Variants in GBE1 observed in about 807,000 individuals in gnomAD.
GBE1 encodes the protein 1,4-alpha-glucan branching enzyme 1.
A neutral mutation model predicts 88.8 loss-of-function variants in GBE1; 70 were observed. The observed-to-expected ratio is 0.79, with a 90% CI of 0.65 to 0.96. The LOEUF is 0.96. Ranked by LOEUF, GBE1 falls within the 40% of genes least tolerant of loss-of-function variation. The probability of loss-of-function intolerance (pLI) is 0.00; values close to 1 mark genes in which losing one functional copy is unlikely to be tolerated. For missense variants in GBE1, 872 were observed against 871.0 expected (o/e 1.00, Z -0.01); for synonymous variants, 284 against 300.1 (o/e 0.95, Z 0.56).
intron 2 of GBE1, among the ~76,000 whole-genome samples, chr3:81,691,420 G>A (rs1402439821): frequency 6.6e-6 from 1 of 152,104 alleles, no homozygotes; most frequent in Admixed American, 6.6e-5. Flanking sequence ...CAATTACTCT[G>A]AGATACTTTG....
chr3:81,679,255 C>T (rs1705304931), intron 2 of GBE1, among the ~76,000 whole-genome samples: 1 of 152,138 alleles, frequency 6.6e-6, no homozygotes, highest in Admixed American at 6.5e-5. Flanking sequence ...TTATAAAGCA[C>T]AGGGCATAAG....
intron 14 of GBE1, among the ~76,000 whole-genome samples, chr3:81,532,483 T>C (rs2106865475): frequency 6.6e-6 from 1 of 152,200 alleles, no homozygotes; most frequent in East Asian, 1.9e-4. Flanking sequence ...GTATACTTTT[T>C]CTATTCTATT....
Position 81,670,917 on chromosome 3 carries a change from A to G in GBE1, c.350T>C (p.Leu117Pro), listed in dbSNP as rs186942296. 1.1e-4 allele frequency: 173 copies of G among 1,573,896 alleles called. No individual in the cohort carries two copies. The African/African-American group carries it at 2.2e-3, about 20-fold the overall frequency. Residue 117 changes from leucine to proline, a missense_variant, in exon 3 of 16, where the codon CTG (leucine) becomes CCG (proline). Leu to Pro is a moderately conservative substitution (Grantham distance 98, BLOSUM62 -3). Transcript: ENST00000429644. The part of the protein sequence containing the change: ...WNPFSYPYKK[L>P]DYGKWELYIP... ...ATACAGCTCCCATTTTCCATAATCC[A>G]GTTTTTTGTATGGGTACGAAAATGG...
intron 1 of GBE1, among the ~76,000 whole-genome samples, chr3:81,747,877 T>C (rs1706439410): frequency 6.6e-6 from 1 of 152,128 alleles, no homozygotes; most frequent in South Asian, 2.1e-4. Flanking sequence ...CTTATCTCCC[T>C]TCGCTGACTC....
intron 12 of GBE1, among the ~76,000 whole-genome samples, chr3:81,545,764 A>C (rs948312285): frequency 2.6e-5 from 4 of 152,136 alleles, no homozygotes; most frequent in African/African-American, 9.7e-5. Flanking sequence ...GATATAATTC[A>C]TAAGTTTTAA....
intron 12 of GBE1, among the ~76,000 whole-genome samples, chr3:81,540,997 G>A (rs1232349932): frequency 6.6e-6 from 1 of 151,948 alleles, no homozygotes; most frequent in Non-Finnish European, 1.5e-5. Context: ...GGCACCTGAT[G>A]ACCTCCCCAA....
chr3:81,639,043 G>T (rs981212177), intron 7 of GBE1, among the ~76,000 whole-genome samples: 13 of 152,134 alleles, frequency 8.5e-5, no homozygotes, highest in Non-Finnish European at 1.5e-4. Flanking sequence ...CCTAACAAAT[G>T]TAAGGGGTGG....
intron 2 of GBE1, among the ~76,000 whole-genome samples, chr3:81,693,705 C>T (rs1462998201): frequency 6.6e-6 from 1 of 152,046 alleles, no homozygotes; most frequent in Non-Finnish European, 1.5e-5. Context: ...ATATAGTCTT[C>T]TAATATCAAG....
intron 10 of GBE1, among the ~76,000 whole-genome samples, chr3:81,582,540 G>A (rs1413569249): frequency 6.6e-6 from 1 of 152,074 alleles, no homozygotes; most frequent in Non-Finnish European, 1.5e-5. Flanking sequence ...TAAGCTTGTG[G>A]TAAATTGGAT....
At chr3:81,525,963 T>C (rs1352320075) in intron 14 of GBE1, among the ~76,000 whole-genome samples, 1 of 152,108 alleles carries the variant, frequency 6.6e-6, no homozygotes, top group East Asian at 1.9e-4. Flanking sequence ...TCAATTTTGT[T>C]GATCTTTTCA....
chr3:81,585,425 T>C (rs975553632), intron 10 of GBE1, among the ~76,000 whole-genome samples: 8 of 152,164 alleles, frequency 5.3e-5, no homozygotes, highest in African/African-American at 1.9e-4. Context: ...ATTCAGCCCA[T>C]GAATGTCGAC....
At chr3:81,728,407 A>T (rs1208710790) in intron 1 of GBE1, among the ~76,000 whole-genome samples, 4 of 152,158 alleles carry the variant, frequency 2.6e-5, no homozygotes, top group African/African-American at 9.7e-5. Flanking sequence ...AGTTACTCTG[A>T]CCACAGATCT....
chr3:81,685,337 T>C (rs371108458), intron 2 of GBE1, among the ~76,000 whole-genome samples: 24 of 152,078 alleles, frequency 1.6e-4, no homozygotes, highest in South Asian at 4.2e-4. Flanking sequence ...GTTGTTGTTG[T>C]TTTGTTTTTG....
At chr3:81,497,988 T>C (rs927617951) in intron 15 of GBE1, among the ~76,000 whole-genome samples, 1 of 152,140 alleles carries the variant, frequency 6.6e-6, no homozygotes, top group Non-Finnish European at 1.5e-5. Context: ...AAAATATATA[T>C]CTTTCTCCAA....
chr3:81,633,177 C>G (rs191381582), intron 7 of GBE1, among the ~76,000 whole-genome samples: 2 of 152,000 alleles, frequency 1.3e-5, no homozygotes, highest in African/African-American at 2.4e-5. Flanking sequence ...TTTCAGAGAA[C>G]GAGGGTGGCT....
At chr3:81,548,531 A>G (rs1703236426) in intron 12 of GBE1, among the ~76,000 whole-genome samples, 1 of 151,284 alleles carries the variant, frequency 6.6e-6, no homozygotes, top group African/African-American at 2.4e-5. Flanking sequence ...TGTTATTATA[A>G]TTGTTACATA....
At chr3:81,663,054 G>A (rs1041772985) in intron 3 of GBE1, among the ~76,000 whole-genome samples, 2 of 152,086 alleles carry the variant, frequency 1.3e-5, no homozygotes, top group African/African-American at 4.8e-5. Flanking sequence ...GATAATTATC[G>A]AGCTGATATG....
At chr3:81,501,979 C>G (rs1460035449) in intron 14 of GBE1, among the ~76,000 whole-genome samples, 1 of 149,756 alleles carries the variant, frequency 6.7e-6, no homozygotes, top group Non-Finnish European at 1.5e-5. Flanking sequence ...GATTAATGAG[C>G]TACCATGCCT....
chr3:81,528,041 C>A (rs1702968112), intron 14 of GBE1, among the ~76,000 whole-genome samples: 2 of 151,800 alleles, frequency 1.3e-5, no homozygotes, highest in East Asian at 1.9e-4. Context: ...GCAGCCATAA[C>A]AAATGATGAG....
Sources: allele counts gnomAD v4.1 joint callset (sites outside exome capture counted in the v4.1 genomes callset), GRCh38; gene constraint gnomAD v4.1.1; transcripts MANE v1.5; gene names NCBI Gene and HGNC (gene_info 2026-07-23, HGNC 2026-07-21).